PIEZO2: variants seen among roughly 807,000 people sequenced by gnomAD.
PIEZO2 encodes the protein piezo-type mechanosensitive ion channel component 2.
A neutral mutation model predicts 337.3 loss-of-function variants in PIEZO2; 172 were observed. The ratio of observed to expected loss-of-function variants is 0.51; its 90% CI spans 0.45 to 0.58. The LOEUF is 0.58. PIEZO2 is among the 20% of genes least tolerant of loss of function. The pLI, the probability that PIEZO2 is intolerant of heterozygous loss-of-function variation, is 0.00. For missense variants in PIEZO2, 3,028 were observed against 3,391.3 expected, an observed-to-expected ratio of 0.89 and a Z score of 2.66; for synonymous variants, 1,251 against 1,228.5, an observed-to-expected ratio of 1.02 and a Z score of -0.38.
At chr18:11,051,100 GT>G in intron 2 of PIEZO2, among the ~76,000 whole-genome samples, 1 of 152,118 alleles carries the variant, frequency 6.6e-6, no homozygotes, top group Admixed American at 6.5e-5. Context: ...CTGTCTTCTG[GT>G]TACTCCAGGA....
chr18:11,031,749 T>C lies in PIEZO2; in HGVS notation c.160+34378A>G, dbSNP rs1344209859. On this transcript the variant is annotated intron_variant, in intron 2 of 55. Coordinates refer to ENST00000674853, the MANE Select transcript of PIEZO2 (RefSeq NM_001378183.1). This position sits in a 1 kb window ranked among gnomAD's most constrained non-coding sequence, Gnocchi z 4.7. ...CGACTTACCCTTGGTTGTAAGTTGATTCCATGGTCCCTGGGGCAAAAGTTG... is the reference window on the plus strand; with the variant it reads ...CGACTTACCCTTGGTTGTAAGTTGACTCCATGGTCCCTGGGGCAAAAGTTG... 1.3e-5 allele frequency among the ~76,000 whole-genome samples: 2 copies of C among 152,178 alleles called. No homozygotes were observed. Among genetic ancestry groups the C allele is most frequent in the East Asian group, 3.9e-4 (2 of 5,186 alleles).
chr18:11,066,097 C>T (rs2038139568), intron 2 of PIEZO2, 30 bp downstream of exon 2: 1 of 1,479,218 alleles, frequency 6.8e-7, no homozygotes, highest in African/African-American at 1.4e-5. Context: ...CTGTATAACT[C>T]TGTGGTATAC....
chr18:10,689,542 G>T, intron 49 of PIEZO2, 113 bp downstream of exon 49: 2 of 1,369,864 alleles, frequency 1.5e-6, no homozygotes, highest in South Asian at 1.2e-5. Context: ...TTTATAGGTT[G>T]TGGTAGTTTT....
chr18:10,871,136 G>T, intron 5 of PIEZO2, 117 bp downstream of exon 5: 1 of 1,079,242 alleles, frequency 9.3e-7, no homozygotes, highest in Non-Finnish European at 1.3e-6. Flanking sequence ...TTTATGTCAA[G>T]CACTGTGAAT....
chr18:10,809,899 T>C (rs116616296), intron 7 of PIEZO2, among the ~76,000 whole-genome samples: 50 of 152,294 alleles, frequency 3.3e-4, no homozygotes, highest in African/African-American at 1.2e-3. Context: ...CTCCTGACTG[T>C]CTTAAATCTC....
chr18:11,053,348 G>A (rs1176942719), intron 2 of PIEZO2, among the ~76,000 whole-genome samples: 1 of 152,144 alleles, frequency 6.6e-6, no homozygotes, highest in East Asian at 1.9e-4. Flanking sequence ...AGATCCTATA[G>A]TAAAGACTGG....
chr18:10,918,323 T>A (rs574799266), intron 3 of PIEZO2, among the ~76,000 whole-genome samples: 99 of 152,256 alleles, frequency 6.5e-4, no homozygotes, highest in Middle Eastern at 6.8e-3. Context: ...CATTGTTTTT[T>A]AAAATATCAT....
At chr18:10,744,083 C>A in intron 31 of PIEZO2, 59 bp downstream of exon 31, 1 of 1,264,586 alleles carries the variant, frequency 7.9e-7, no homozygotes, top group Non-Finnish European at 1.1e-6. Context: ...GGAGCACCAG[C>A]TGAATGTGGT....
rs1454904012 is a variant in PIEZO2, at chr18:10,828,404, TC to T, written c.918-21131del. ...AATGGAGCTGCTGCCCTGAAGAAATTCCTATTTTAACAAAAAGGTTGGGGAT... is the reference window on the plus strand; with the variant it reads ...AATGGAGCTGCTGCCCTGAAGAAATTCTATTTTAACAAAAAGGTTGGGGAT... On this transcript the variant is annotated intron_variant, in intron 7 of 55. Transcript: ENST00000674853. The surrounding 1 kb of genome is among the most constrained non-coding windows in gnomAD (Gnocchi z 4.1). 1.3e-5 allele frequency among the ~76,000 whole-genome samples: 2 copies of T among 152,140 alleles called. No homozygotes were observed. Among genetic ancestry groups the T allele is most frequent in the African/African-American group, 2.4e-5 (1 of 41,438 alleles).
At chr18:10,809,115 TA>T (rs758471712) in intron 7 of PIEZO2, among the ~76,000 whole-genome samples, 7 of 152,082 alleles carry the variant, frequency 4.6e-5, no homozygotes, top group Non-Finnish European at 8.8e-5. Flanking sequence ...CACTGAATAA[TA>T]AGACTTAGAT....
At chr18:10,732,506 T>G (rs910302341) in intron 35 of PIEZO2, among the ~76,000 whole-genome samples, 4 of 152,334 alleles carry the variant, frequency 2.6e-5, no homozygotes, top group African/African-American at 9.6e-5. Flanking sequence ...AAAGAGAGAC[T>G]CAACTTTTCC....
rs1598405529 is a variant in PIEZO2 at position 10,726,596 on chromosome 18, C to A, written c.5029+4811G>T. 12 of 1,371,246 alleles carry A rather than the reference C, an allele frequency of 8.8e-6. No homozygotes were observed. In the Middle Eastern group the frequency reaches 5.8e-4, roughly 66 times the overall value. 84.9% of individuals were successfully genotyped at this position (1,371,246 alleles called of 1,614,324 possible). On this transcript the variant is annotated intron_variant, in intron 36 of 55. Transcript: ENST00000674853. The surrounding 1 kb of genome is among the most constrained non-coding windows in gnomAD (Gnocchi z 5.9). ...TTCCGCCAGCTCTTCCAGGACCTGG[C>A]GCGCTACGTGCGGGACGCCGACGTG...
chr18:10,800,019 C>T lies in PIEZO2; in HGVS notation c.1378+318G>A, dbSNP rs140497251. On this transcript the variant is annotated intron_variant, in intron 11 of 55. Coordinates refer to ENST00000674853, the MANE Select transcript of PIEZO2 (RefSeq NM_001378183.1). ...ATATATTAACCAGGAAAACCACTGA[C>T]CATAATTACAATATCAACTAAAAGA... Among the ~76,000 whole-genome samples, 184 of 151,616 alleles carry T rather than the reference C, an allele frequency of 1.2e-3. 1 individual carries two copies. Among genetic ancestry groups the T allele is most frequent in the African/African-American group, 3.7e-3 (153 of 41,320 alleles).
intron 2 of PIEZO2, among the ~76,000 whole-genome samples, chr18:10,997,244 C>CAA (rs574657633): frequency 7.2e-5 from 8 of 111,036 alleles, no homozygotes; most frequent in African/African-American, 2.7e-4. Flanking sequence ...TGACTGCCTG[C>CAA]AAAAAAAAAA....
intron 2 of PIEZO2, among the ~76,000 whole-genome samples, chr18:10,998,861 C>CAA (rs10544415): frequency 4.0e-4 from 48 of 118,814 alleles, no homozygotes; most frequent in African/African-American, 9.3e-4. Flanking sequence ...TCAAATACAG[C>CAA]AAAAAAAAAA....
At chr18:10,765,860 T>C (rs1458579472) in intron 21 of PIEZO2, among the ~76,000 whole-genome samples, 1 of 151,710 alleles carries the variant, frequency 6.6e-6, no homozygotes, top group East Asian at 1.9e-4. Context: ...AGTCCAGCAA[T>C]GAGACAGGAA....
chr18:11,054,143 T>C (rs1598888782), intron 2 of PIEZO2, among the ~76,000 whole-genome samples: 2 of 152,340 alleles, frequency 1.3e-5, no homozygotes, highest in East Asian at 3.9e-4. Flanking sequence ...TCAATCCTAA[T>C]GGAAGGCACA....
At chr18:10,715,871 C>G in intron 37 of PIEZO2, 55 bp from the exon 38 acceptor site, 1 of 1,388,908 alleles carries the variant, frequency 7.2e-7, no homozygotes, top group Non-Finnish European at 9.7e-7. Flanking sequence ...ATTGATTTTA[C>G]TTTTGTGTAG....
chr18:10,880,200 T>G (rs565368150), intron 4 of PIEZO2, among the ~76,000 whole-genome samples: 233 of 152,328 alleles, frequency 1.5e-3, no homozygotes, highest in Middle Eastern at 6.8e-3. Flanking sequence ...TTACTTTGAC[T>G]GGGATAATGA....
Sources: allele counts gnomAD v4.1 joint callset (sites outside exome capture counted in the v4.1 genomes callset), GRCh38; gene constraint gnomAD v4.1.1; non-coding constraint Gnocchi (gnomAD v3.1); transcripts MANE v1.5; gene names NCBI Gene and HGNC (gene_info 2026-07-23, HGNC 2026-07-21).